Variants in NEDD9 observed in about 807,000 individuals in gnomAD.
NEDD9 encodes neural precursor cell expressed, developmentally down-regulated 9, also known as enhancer of filamentation 1.
In NEDD9, 26 loss-of-function variants were observed where a neutral mutation model predicts 76.6. The ratio of observed to expected loss-of-function variants is 0.34; its 90% CI spans 0.25 to 0.47. NEDD9 has a LOEUF of 0.47. Ranked by LOEUF, NEDD9 falls within the 20% of genes least tolerant of loss-of-function variation. The pLI, the probability that NEDD9 is intolerant of heterozygous loss-of-function variation, is 1.00. For missense variants in NEDD9, 937 were observed against 1,058.5 expected (o/e 0.89, Z 1.59); for synonymous variants, 392 against 414.2 (o/e 0.95, Z 0.65).
intron 1 of NEDD9, among the ~76,000 whole-genome samples, chr6:11,367,133 G>T (rs562245375): frequency 7.9e-5 from 12 of 152,324 alleles, no homozygotes; most frequent in African/African-American, 2.9e-4. Flanking sequence ...TCTATGATTG[G>T]TCAAAATATT....
At chr6:11,361,827 G>A (rs1422481754) in intron 1 of NEDD9, among the ~76,000 whole-genome samples, 2 of 152,150 alleles carry the variant, frequency 1.3e-5, no homozygotes, top group African/African-American at 2.4e-5. Context: ...GAGTTTGTAG[G>A]AGGGAGAAAG....
intron 1 of NEDD9, among the ~76,000 whole-genome samples, chr6:11,335,653 A>G (rs901381816): frequency 7.9e-5 from 12 of 152,240 alleles, no homozygotes; most frequent in African/African-American, 2.7e-4. Context: ...AGTGTGCAGA[A>G]AATGCTTTCC....
At position 11,190,397 on chromosome 6, in the gene NEDD9, C is replaced by A. The variant is rs780340745; in HGVS notation, c.1472G>T (p.Arg491Leu). 4.3e-6 allele frequency: 7 copies of A among 1,614,074 alleles called. No individual in the cohort carries two copies. Among genetic ancestry groups the A allele is most frequent in the Non-Finnish European group, 5.9e-6 (7 of 1,180,046 alleles). The change falls in exon 5 of 7, where the codon CGA becomes CTA. Residue 491 changes from arginine to leucine, a missense_variant. Coordinates refer to ENST00000379446, the MANE Select transcript of NEDD9 (RefSeq NM_006403.4). The surrounding 1 kb of genome is among the most constrained non-coding windows in gnomAD (Gnocchi z 5.8). ...LHNKMKRELQ[R>L]VEDSHQILSQ... The stretch of plus-strand genomic sequence containing the variant: ...CAGGATCTGGTGGGAGTCTTCAACT[C>A]GTTGCAGCTCCCGCTTCATCTTGTT...
chr6:11,376,963 G>C (rs945478148), intron 1 of NEDD9, among the ~76,000 whole-genome samples: 1 of 152,224 alleles, frequency 6.6e-6, no homozygotes, highest in Admixed American at 6.5e-5. Flanking sequence ...AGGGGCCCAG[G>C]TACAGCTCTG....
chr6:11,367,940 T>G (rs532026939), intron 1 of NEDD9, among the ~76,000 whole-genome samples: 31 of 152,348 alleles, frequency 2.0e-4, no homozygotes, highest in African/African-American at 7.2e-4. Context: ...TGTATGAGAC[T>G]GGACCTTGGT....
chr6:11,244,711 G>A (rs545367424), intron 3 of NEDD9, among the ~76,000 whole-genome samples: 29 of 152,286 alleles, frequency 1.9e-4, no homozygotes, highest in Admixed American at 1.4e-3. Flanking sequence ...CTCTGTCTTT[G>A]GATCATAGAC....
intron 1 of NEDD9, among the ~76,000 whole-genome samples, chr6:11,342,446 C>G (rs1762292545): frequency 6.6e-6 from 1 of 152,046 alleles, no homozygotes; most frequent in Admixed American, 6.5e-5. Flanking sequence ...AAGACACATA[C>G]AGAGGAACAA....
At chr6:11,290,616 G>A (rs759656960) in intron 3 of NEDD9, among the ~76,000 whole-genome samples, 18 of 152,060 alleles carry the variant, frequency 1.2e-4, no homozygotes, top group Non-Finnish European at 2.4e-4. Flanking sequence ...GGAGTCCTGC[G>A]TAGAAGAGCA....
chr6:11,371,868 T>C (rs1561850640), intron 1 of NEDD9, among the ~76,000 whole-genome samples: 1 of 152,180 alleles, frequency 6.6e-6, no homozygotes, highest in African/African-American at 2.4e-5. Flanking sequence ...ACATAGTAGG[T>C]GTATATATTT....
At position 11,267,202 on chromosome 6, in the gene NEDD9, G is replaced by A. The variant is rs17497433; in HGVS notation, c.12+38790C>T. ...GTCGACTATTTGATTTCAGCCAGTC[G>A]TTTCTCTCTGGCAGTGCTCCCTGCA... On this transcript the variant is annotated intron_variant, in intron 3 of 3. Coordinates refer to the NEDD9 transcript ENST00000397378. Among the ~76,000 whole-genome samples, 1,428 of 152,170 alleles carry A rather than the reference G, an allele frequency of 9.4e-3. 11 individuals are homozygous for A. Among genetic ancestry groups the A allele is most frequent in the Non-Finnish European group, 0.014 (950 of 68,010 alleles).
At chr6:11,286,185 A>T (rs1760645583) in intron 3 of NEDD9, among the ~76,000 whole-genome samples, 1 of 152,214 alleles carries the variant, frequency 6.6e-6, no homozygotes, top group South Asian at 2.1e-4. Context: ...AAAATATTTG[A>T]CCAGACATTT....
intron 2 of NEDD9, among the ~76,000 whole-genome samples, chr6:11,332,696 G>C (rs1762069121): frequency 6.6e-6 from 1 of 152,198 alleles, no homozygotes; most frequent in South Asian, 2.1e-4. Flanking sequence ...AGCTGGGTGA[G>C]TGTGCTCTGG....
intron 2 of NEDD9, among the ~76,000 whole-genome samples, chr6:11,312,711 T>TA (rs879415419): frequency 0.076 from 11,204 of 147,594 alleles, 546 homozygotes; most frequent in Admixed American, 0.16. Flanking sequence ...TATATATATA[T>TA]TTTTAAAGAG....
At chr6:11,221,372 G>T (rs1759138901) in intron 1 of NEDD9, among the ~76,000 whole-genome samples, 1 of 140,276 alleles carries the variant, frequency 7.1e-6, no homozygotes, top group Admixed American at 7.7e-5. Flanking sequence ...GACAGAGCGA[G>T]ACTCTGTCAT....
chr6:11,304,075 T>C (rs777701037), intron 3 of NEDD9, among the ~76,000 whole-genome samples: 1 of 152,204 alleles, frequency 6.6e-6, no homozygotes, highest in Admixed American at 6.5e-5. Flanking sequence ...AAAGGGCTAA[T>C]ATTCAGAATC....
At chr6:11,327,210 C>T (rs908114438) in intron 2 of NEDD9, among the ~76,000 whole-genome samples, 1 of 152,134 alleles carries the variant, frequency 6.6e-6, no homozygotes, top group Non-Finnish European at 1.5e-5. Flanking sequence ...AAGAGACAAT[C>T]GGACTACAAT....
chr6:11,320,393 T>A (rs939411335), intron 2 of NEDD9, among the ~76,000 whole-genome samples: 1 of 152,294 alleles, frequency 6.6e-6, no homozygotes, highest in South Asian at 2.1e-4. Context: ...CAGGAAAGCC[T>A]CAGGAACTTG....
At chr6:11,336,002 T>C (rs967473582) in intron 1 of NEDD9, among the ~76,000 whole-genome samples, 1 of 152,188 alleles carries the variant, frequency 6.6e-6, no homozygotes, top group African/African-American at 2.4e-5. Context: ...TCTCCATTCC[T>C]GGTAACCAGG....
intron 1 of NEDD9, among the ~76,000 whole-genome samples, chr6:11,335,582 T>C (rs1762140124): frequency 1.3e-5 from 2 of 152,208 alleles, no homozygotes; most frequent in Non-Finnish European, 2.9e-5. Flanking sequence ...TCACCTGACC[T>C]CTCGCCAACC....
Sources: allele counts gnomAD v4.1 joint callset (sites outside exome capture counted in the v4.1 genomes callset), GRCh38; gene constraint gnomAD v4.1.1; non-coding constraint Gnocchi (gnomAD v3.1); transcripts MANE v1.5; gene names NCBI Gene and HGNC (gene_info 2026-07-23, HGNC 2026-07-21).